Variants in MYOM2 observed in about 807,000 individuals in gnomAD.
MYOM2 encodes the protein myomesin 2, also known as myomesin-2.
MYOM2 carries 254 observed loss-of-function variants against 187.6 expected under a neutral mutation model. That is an observed-to-expected ratio of 1.35 (90% CI 1.22 to 1.50). MYOM2 has a LOEUF of 1.50. MYOM2 is among the 40% of genes most tolerant of loss of function. MYOM2 has a pLI of 0.00. For synonymous variants in MYOM2, 981 were observed against 753.8 expected (o/e 1.30, Z -4.94); for missense variants, 2,796 against 1,924.0 (o/e 1.45, Z -8.48).
intron 3 of MYOM2, among the ~76,000 whole-genome samples, chr8:2,054,064 A>G (rs766681157): frequency 6.6e-6 from 1 of 152,212 alleles, no homozygotes; most frequent in African/African-American, 2.4e-5. Context: ...GAGCAGCTCC[A>G]TGGATTCCAG....
rs770348784 is a variant in MYOM2, at chr8:2,116,103, T to C, written c.3324T>C (p.Asp1108=). ...AGTCTTCTCTAGTTCTTATTGGAGATGGTATGCTATATCGAATATTTCCAC... is the reference window on the plus strand; with the variant it reads ...AGTCTTCTCTAGTTCTTATTGGAGACGGTATGCTATATCGAATATTTCCAC... ...KSQSSLVLIG[D]AFKTVLEEAE... Residue 1108 remains aspartate, a splice_region_variant and synonymous_variant, in exon 26 of 37, where the codon GAT becomes GAC. Transcript: ENST00000262113. The C allele has an allele frequency of 1.3e-6, 2 of 1,594,808 alleles. No homozygotes were observed. The highest frequency in any genetic ancestry group is 1.1e-5 in the South Asian group (1 of 89,634).
At chr8:2,135,035 C>T (rs1798020042) in intron 32 of MYOM2, among the ~76,000 whole-genome samples, 1 of 152,154 alleles carries the variant, frequency 6.6e-6, no homozygotes. Context: ...CGTCTGTGTA[C>T]TAGAATCTGA....
intron 32 of MYOM2, among the ~76,000 whole-genome samples, chr8:2,135,120 C>G (rs1385732131): frequency 6.6e-6 from 1 of 152,194 alleles, no homozygotes; most frequent in Admixed American, 6.5e-5. Context: ...TGGCTCTCAC[C>G]TACTGTTGTT....
chr8:2,092,624 T>C, intron 16 of MYOM2, 104 bp downstream of exon 16: 1 of 1,237,404 alleles, frequency 8.1e-7, no homozygotes, highest in East Asian at 2.5e-5. Flanking sequence ...GCAAGGCTTC[T>C]GCGTAAATGA....
At chr8:2,058,442 C>A (rs1402424295) in intron 5 of MYOM2, among the ~76,000 whole-genome samples, 1 of 152,164 alleles carries the variant, frequency 6.6e-6, no homozygotes, top group African/African-American at 2.4e-5. Context: ...ATGGAAAACT[C>A]ATAAGTGGAA....
chr8:2,057,027 C>T (rs1221344863), intron 3 of MYOM2, among the ~76,000 whole-genome samples: 4 of 152,210 alleles, frequency 2.6e-5, no homozygotes, highest in East Asian at 1.9e-4. Flanking sequence ...TTCTCCAAAG[C>T]ATCTCTTAGG....
chr8:2,078,862 G>C lies in MYOM2; in HGVS notation c.1391G>C (p.Gly464Ala). 2 of 1,614,048 alleles carry C rather than the reference G, an allele frequency of 1.2e-6. No homozygotes were observed. The highest frequency in any genetic ancestry group is 1.7e-6 in the Non-Finnish European group (2 of 1,179,942). The change falls in exon 12 of 37, where the codon GGC becomes GCC. Residue 464 changes from glycine (G) to alanine (A), a missense_variant. By Grantham distance (60) the Gly-to-Ala change is moderately conservative. Transcript: ENST00000262113. ...IFRVRAVNSA[G>A]ISRPSRVSDA... Reference sequence around the variant, plus strand: ...CGAGTGAGGGCAGTGAACAGTGCGGGCATCAGCCGACCCTCCAGGGTCTCT... The same window carrying C: ...CGAGTGAGGGCAGTGAACAGTGCGGCCATCAGCCGACCCTCCAGGGTCTCT...
At chr8:2,084,127 C>T (rs980478357) in intron 13 of MYOM2, among the ~76,000 whole-genome samples, 1 of 152,198 alleles carries the variant, frequency 6.6e-6, no homozygotes. Flanking sequence ...CATCTTCTCT[C>T]TGGAATGCTT....
chr8:2,126,103 T>C (rs1235886996), intron 31 of MYOM2, among the ~76,000 whole-genome samples: 2 of 152,190 alleles, frequency 1.3e-5, no homozygotes, highest in African/African-American at 2.4e-5. Flanking sequence ...CCAGAAGGTC[T>C]TGAAGAGTGA....
chr8:2,129,410 G>T (rs541947782), intron 32 of MYOM2, among the ~76,000 whole-genome samples, 178 bp downstream of exon 32: 127 of 152,308 alleles, frequency 8.3e-4, no homozygotes, highest in African/African-American at 2.9e-3. Context: ...ACGGCAGTGG[G>T]GAGGACGTGG....
At chr8:2,120,900 T>A (rs2116852737) in intron 28 of MYOM2, among the ~76,000 whole-genome samples, 1 of 150,924 alleles carries the variant, frequency 6.6e-6, no homozygotes, top group East Asian at 2.0e-4. Flanking sequence ...TATAGAAAAA[T>A]ACTTAGATTT....
In MYOM2 at chr8:2,079,739, G is replaced by A. The variant is rs147262272; in HGVS notation, c.1516+126G>A. ...GCCTCTGCATGGAAAAATGAAAACC[G>A]CAGGTCAGGCCTGCAAGCCCAGTGT... On this transcript the variant is annotated intron_variant, in intron 13 of 36. Transcript: ENST00000262113. The A allele has an allele frequency of 3.5e-4, 354 of 1,024,580 alleles. 1 individual carries two copies. The East Asian group carries it at 7.2e-3, about 21-fold the overall frequency. The allele number at this position is 1,024,580 out of a possible 1,614,324, so 63.5% of individuals were successfully genotyped here.
chr8:2,052,986 A>G lies in MYOM2; in HGVS notation c.263+673A>G, dbSNP rs373065381. Among the ~76,000 whole-genome samples the G allele has an allele frequency of 1.5e-4, 23 of 152,232 alleles. 1 individual carries two copies. The highest frequency in any genetic ancestry group is 1.1e-3 in the Admixed American group (17 of 15,286). On this transcript the variant is annotated intron_variant, in intron 3 of 36. Coordinates refer to ENST00000262113, the MANE Select transcript of MYOM2 (RefSeq NM_003970.4). ...AAAATTATTTCCAGATGACGGAGAA[A>G]CAGGTGGTGATATGGCTTTGATCTT...
At chr8:2,141,245 T>C in intron 34 of MYOM2, 68 bp downstream of exon 34, 1 of 1,402,330 alleles carries the variant, frequency 7.1e-7, no homozygotes, top group Non-Finnish European at 1.0e-6. Context: ...TTTGGCTGCA[T>C]GTGGGAATCT....
intron 33 of MYOM2, 112 bp from the exon 34 acceptor site, chr8:2,141,026 ATTC>A (rs1798256552): frequency 7.5e-7 from 1 of 1,332,916 alleles, no homozygotes; most frequent in South Asian, 1.6e-5. Context: ...AAATAAATTT[ATTC>A]TTTTTTTATA....
At chr8:2,052,615 C>G (rs1372085409) in intron 3 of MYOM2, among the ~76,000 whole-genome samples, 2 of 152,216 alleles carry the variant, frequency 1.3e-5, no homozygotes, top group African/African-American at 2.4e-5. Flanking sequence ...CACGCATGTC[C>G]CAGCTGGGCT....
At chr8:2,112,468 G>A (rs1797100074) in intron 25 of MYOM2, among the ~76,000 whole-genome samples, 1 of 152,112 alleles carries the variant, frequency 6.6e-6, no homozygotes, top group Non-Finnish European at 1.5e-5. Flanking sequence ...AGAGAGTGGG[G>A]AATGATCAGG....
chr8:2,132,459 G>GAAA (rs1797908770), intron 32 of MYOM2, among the ~76,000 whole-genome samples: 1 of 152,200 alleles, frequency 6.6e-6, no homozygotes, highest in Non-Finnish European at 1.5e-5. Flanking sequence ...AAAAGATTTT[G>GAAA]TTCTCTTACT....
chr8:2,129,154 T>A lies in MYOM2; in HGVS notation c.3722T>A (p.Leu1241His). 6.2e-7 allele frequency: 1 copy of A among 1,611,056 alleles called. No individual in the cohort carries two copies. Among genetic ancestry groups the A allele is most frequent in the Non-Finnish European group, 8.5e-7 (1 of 1,177,352 alleles). Residue 1241 changes from leucine to histidine, a missense_variant, in exon 32 of 37, where the codon CTC becomes CAC. Leu to His is a moderately conservative substitution (Grantham distance 99). Transcript: ENST00000262113. The part of the protein sequence containing the change: ...CGKSASPLKV[L>H]CTPEGIRLQC... Reference sequence around the variant, plus strand: ...AAATCTGCTTCGCCACTGAAGGTACTCTGCACCCCAGAAGGAATACGACTT... The same window carrying A: ...AAATCTGCTTCGCCACTGAAGGTACACTGCACCCCAGAAGGAATACGACTT...
Sources: allele counts gnomAD v4.1 joint callset (sites outside exome capture counted in the v4.1 genomes callset), GRCh38; gene constraint gnomAD v4.1.1; transcripts MANE v1.5; gene names NCBI Gene and HGNC (gene_info 2026-07-23, HGNC 2026-07-21).